Variants in PCDHA2 observed in about 807,000 individuals in gnomAD.
The protein encoded by PCDHA2 is protocadherin alpha 2.
A neutral mutation model predicts 66.0 loss-of-function variants in PCDHA2; 58 were observed. The ratio of observed to expected loss-of-function variants is 0.88; its 90% CI spans 0.71 to 1.09. The LOEUF is 1.09. Among genes scored for constraint, PCDHA2 ranks in the 50% least tolerant of loss-of-function variants. The pLI is 0.00. For synonymous variants in PCDHA2, 634 were observed against 554.0 expected (o/e 1.14, Z -2.03); for missense variants, 1,267 against 1,242.3 (o/e 1.02, Z -0.30).
intron 1 of PCDHA2, chr5:140,882,051 A>T: frequency 1.3e-6 from 1 of 757,670 alleles, no homozygotes; most frequent in Non-Finnish European, 2.0e-6. Flanking sequence ...AGTCATACTT[A>T]CACTTACACG....
At chr5:140,883,825 G>T in intron 1 of PCDHA2, 1 of 1,612,576 alleles carries the variant, frequency 6.2e-7, no homozygotes, top group South Asian at 1.1e-5. Context: ...AGGTGTACGC[G>T]CTGCAGCCGT....
intron 1 of PCDHA2, chr5:140,860,673 C>A (rs955931174): frequency 1.2e-4 from 18 of 152,210 alleles, no homozygotes; most frequent in African/African-American, 4.3e-4. Context: ...AAATCAAATG[C>A]ACTTATGTTT....
intron 1 of PCDHA2, among the ~76,000 whole-genome samples, chr5:140,977,055 A>T (rs1220462981): frequency 1.3e-5 from 2 of 152,234 alleles, no homozygotes; most frequent in African/African-American, 4.8e-5. Flanking sequence ...CTGATGGACT[A>T]GTATAGAAAA....
intron 1 of PCDHA2, among the ~76,000 whole-genome samples, chr5:140,892,375 A>G (rs1032467069): frequency 1.3e-5 from 2 of 152,226 alleles, no homozygotes; most frequent in African/African-American, 4.8e-5. Flanking sequence ...GGCACTAGCA[A>G]TCATGGGTAA....
intron 1 of PCDHA2, chr5:140,842,585 G>T: frequency 6.3e-7 from 1 of 1,596,296 alleles, no homozygotes; most frequent in East Asian, 2.2e-5. Flanking sequence ...GTCGGCCTAT[G>T]AGTTGGTGGT....
intron 3 of PCDHA2, among the ~76,000 whole-genome samples, chr5:140,989,404 A>G (rs2097341135): frequency 6.6e-6 from 1 of 152,134 alleles, no homozygotes; most frequent in Non-Finnish European, 1.5e-5. Flanking sequence ...GAGGGTGGAG[A>G]GTCTGCACTT....
At position 140,927,035 on chromosome 5, in the gene PCDHA2, C is replaced by A. The variant is rs1554203936; in HGVS notation, c.2389-51914C>A. 2 of 1,612,296 alleles carry A rather than the reference C, an allele frequency of 1.2e-6. No homozygotes were observed. The highest frequency in any genetic ancestry group is 1.7e-6 in the Non-Finnish European group (2 of 1,178,902). Reference sequence around the variant, plus strand: ...TCCGCGGACTTGAGGCTGCCAGCGGCCGCTATGTCCTCGCGGAACTTTCGC... The same window carrying A: ...TCCGCGGACTTGAGGCTGCCAGCGGACGCTATGTCCTCGCGGAACTTTCGC... On this transcript the variant is annotated intron_variant, in intron 1 of 3. Transcript: ENST00000526136.
In PCDHA2 at chr5:140,984,898, A is replaced by G. The variant is rs551340383; in HGVS notation, c.2536+2335A>G. ...GTTACCATGAGAACTAAAGGAGAAA[A>G]AAAGAACTGAGCATAGTGCTTGACA... On this transcript the variant is annotated intron_variant, in intron 3 of 3. Transcript: ENST00000526136. Among the ~76,000 whole-genome samples, 21 of 152,282 alleles carry G rather than the reference A, an allele frequency of 1.4e-4. No individual in the cohort carries two copies. The South Asian group carries it at 4.4e-3, about 32-fold the overall frequency.
chr5:140,990,195 A>C (rs1030331876), intron 3 of PCDHA2, among the ~76,000 whole-genome samples: 1 of 152,012 alleles, frequency 6.6e-6, no homozygotes, highest in Non-Finnish European at 1.5e-5. Flanking sequence ...CCAAATGTGG[A>C]CCCGAAAGAG....
chr5:140,997,018 A>AT (rs1162959481), intron 3 of PCDHA2, among the ~76,000 whole-genome samples: 3 of 151,882 alleles, frequency 2.0e-5, no homozygotes, highest in Admixed American at 1.3e-4. Flanking sequence ...ATCCTCCAAT[A>AT]TTTTTTTGAA....
intron 1 of PCDHA2, chr5:140,881,346 A>G (rs534939044): frequency 1.0e-6 from 1 of 985,162 alleles, no homozygotes; most frequent in Non-Finnish European, 1.2e-6. Context: ...GATTCGGGCT[A>G]CAATGCGTGG....
At position 140,835,689 on chromosome 5, in the gene PCDHA2, T is replaced by C. The variant is rs2150242026; in HGVS notation, c.2388+38337T>C. The C allele has an allele frequency of 1.2e-5, 19 of 1,613,884 alleles. No homozygotes were observed. The Middle Eastern group carries it at 6.6e-4, about 56-fold the overall frequency. ...GCGGGACGGGGGCTCGCCTTCTCTG[T>C]GGGCCACTGCTAGCGTGTCCGTGGA... On this transcript the variant is annotated intron_variant, in intron 1 of 3. Coordinates refer to ENST00000526136, the MANE Select transcript of PCDHA2 (RefSeq NM_018905.3).
chr5:140,964,168 G>A (rs928554352), intron 1 of PCDHA2, among the ~76,000 whole-genome samples: 1 of 152,166 alleles, frequency 6.6e-6, no homozygotes, highest in Non-Finnish European at 1.5e-5. Flanking sequence ...TGTGAGGAAC[G>A]AAATCATTAT....
Position 140,796,898 on chromosome 5 carries a change from A to G in PCDHA2, c.1934A>G (p.His645Arg). 1.2e-6 allele frequency: 2 copies of G among 1,613,914 alleles called. No homozygotes were observed. The highest frequency in any genetic ancestry group is 1.7e-6 in the Non-Finnish European group (2 of 1,179,972). Residue 645 changes from histidine to arginine, a missense_variant, in exon 1 of 4, where the codon CAC (histidine) becomes CGC (arginine). Physicochemically the swap from His to Arg is conservative, Grantham distance 29 (BLOSUM62 0). Coordinates refer to ENST00000526136, the MANE Select transcript of PCDHA2 (RefSeq NM_018905.3). Reference sequence around the variant, plus strand: ...CTAGACGAGGCTGACTCCCCTCGACACCGCCTACTCGTGCTGGTGAAGGAC... The same window carrying G: ...CTAGACGAGGCTGACTCCCCTCGACGCCGCCTACTCGTGCTGGTGAAGGAC... ...RALDEADSPR[H>R]RLLVLVKDHG...
At chr5:140,863,770 G>C (rs953823411) in intron 1 of PCDHA2, 1 of 240,010 alleles carries the variant, frequency 4.2e-6, no homozygotes, top group African/African-American at 2.3e-5. Context: ...AAGCCGAGGC[G>C]GGCGGATCAC....
In PCDHA2 at chr5:140,852,619, G is replaced by C. The variant is rs147501708; in HGVS notation, c.2388+55267G>C. On this transcript the variant is annotated intron_variant, in intron 1 of 3. Transcript: ENST00000526136. ...TGTCATTTTCTTTCAAAACTTGAGT[G>C]GTCTCTGAGCTCCTGTCATTAAACC... The C allele has an allele frequency of 3.4e-4, 315 of 937,802 alleles. 5 individuals carry two copies. The East Asian group carries it at 0.027, about 79-fold the overall frequency. The allele number at this position is 937,802 out of a possible 1,614,324, so 58.1% of individuals were successfully genotyped here.
chr5:140,841,990 A>C (rs1422352219), intron 1 of PCDHA2: 1 of 1,613,690 alleles, frequency 6.2e-7, no homozygotes, highest in African/African-American at 1.3e-5. Flanking sequence ...CTGAGCTCAC[A>C]GGCACTGTTC....
At chr5:140,941,240 T>TTTC (rs2092939181) in intron 1 of PCDHA2, among the ~76,000 whole-genome samples, 2 of 141,590 alleles carry the variant, frequency 1.4e-5, no homozygotes, top group Non-Finnish European at 3.0e-5. Flanking sequence ...TCTTTCTTTC[T>TTTC]TTCTTTCTTT....
At chr5:140,929,390 T>C in intron 1 of PCDHA2, 1 of 1,511,570 alleles carries the variant, frequency 6.6e-7, no homozygotes, top group Non-Finnish European at 8.8e-7. Flanking sequence ...TGTTTTGAAA[T>C]ATTTCTTAGA....
Sources: allele counts gnomAD v4.1 joint callset (sites outside exome capture counted in the v4.1 genomes callset), GRCh38; gene constraint gnomAD v4.1.1; transcripts MANE v1.5; gene names NCBI Gene and HGNC (gene_info 2026-07-23, HGNC 2026-07-21).